The following KIF9 variants were observed in gnomAD, a reference collection of about 807,000 sequenced individuals.
KIF9 encodes kinesin family member 9.
KIF9 carries 68 observed loss-of-function variants against 94.8 expected under a neutral mutation model. The ratio of observed to expected loss-of-function variants is 0.72; its 90% CI spans 0.59 to 0.88. The LOEUF is 0.88. Among genes scored for constraint, KIF9 ranks in the 40% least tolerant of loss-of-function variants. The probability of loss-of-function intolerance (pLI) is 0.00; values close to 1 mark genes in which losing one functional copy is unlikely to be tolerated. For missense variants in KIF9, 882 were observed against 982.5 expected (o/e 0.90, Z 1.37); for synonymous variants, 343 against 362.1 (o/e 0.95, Z 0.60).
chr3:47,243,147 T>C lies in KIF9; in HGVS notation c.1613A>G (p.Asp538Gly), dbSNP rs777991329. ...SKTQLVPSSK[D>G]GDVKDMLSRD... ...CGAAAGCATGTCTTTGACATCCCCA[T>C]CTTTGGAGGATGGGACCAGCTGGGT... The change falls in exon 16 of 21, where the codon GAT becomes GGT. Residue 538 changes from aspartate to glycine, a missense_variant. Transcript: ENST00000684063. The C allele has an allele frequency of 2.5e-6, 4 of 1,613,988 alleles. No individual in the cohort carries two copies. The highest frequency in any genetic ancestry group is 3.4e-6 in the Non-Finnish European group (4 of 1,179,944).
rs538044157 is a variant in KIF9 at position 47,237,955 on chromosome 3, T to C, written c.1925-1336A>G. Among the ~76,000 whole-genome samples, 3 of 152,264 alleles carry C rather than the reference T, an allele frequency of 2.0e-5. No individual in the cohort carries two copies. The South Asian group carries it at 6.2e-4, about 32-fold the overall frequency. ...GGATAAGCCACAATCCTTTACAGAG[T>C]AGAGGCTTTACAGTACTCTATGAAG... On this transcript the variant is annotated intron_variant, in intron 17 of 20. Coordinates refer to ENST00000684063, the MANE Select transcript of KIF9 (RefSeq NM_182902.4).
chr3:47,242,867 T>TG (rs1359671217), intron 16 of KIF9, 184 bp downstream of exon 16: 3 of 455,096 alleles, frequency 6.6e-6, no homozygotes, highest in African/African-American at 5.8e-5. Context: ...GCATCTTGGA[T>TG]GACTCCTGAG....
rs1701892912 is a variant in KIF9, at chr3:47,275,336, T to A, written c.248A>T (p.Asp83Val). ...ATTAATTAAGTTACCATTATAGCCA[T>A]CGAGGGCCTGAGAAACCACATCCTT... ...VAKDVVSQAL[D>V]GYNGTIMCYG... The change falls in exon 3 of 21, where the codon GAT becomes GTT. Residue 83 changes from aspartate (D) to valine (V), a missense_variant. Asp to Val is a radical substitution (Grantham distance 152). Transcript: ENST00000684063. 1.9e-6 allele frequency: 3 copies of A among 1,611,034 alleles called. No homozygotes were observed. In the East Asian group the frequency reaches 6.7e-5, roughly 36 times the overall value.
At chr3:47,266,137 T>C (rs1325067328) in intron 7 of KIF9, 3 of 395,830 alleles carry the variant, frequency 7.6e-6, no homozygotes, top group Non-Finnish European at 9.3e-6. Context: ...AATATTCATA[T>C]GGACATTCAC....
chr3:47,253,513 T>A (rs1270833624), intron 10 of KIF9, among the ~76,000 whole-genome samples: 1 of 152,016 alleles, frequency 6.6e-6, no homozygotes, highest in Non-Finnish European at 1.5e-5. Flanking sequence ...AGCTTCTGCA[T>A]ACCATGCTAC....
rs773934395 is a variant in KIF9 at position 47,277,326 on chromosome 3, C to T, written c.49G>A (p.Asp17Asn). The change falls in exon 2 of 21, where the codon GAT (aspartate) becomes AAT (asparagine). Residue 17 changes from aspartate (D) to asparagine (N), a missense_variant. Transcript: ENST00000684063. ...VHAFVRVKPT[D>N]DFAHEMIRYG... ...CTGATCATTTCATGAGCAAAGTCAT[C>T]GGTGGGTTTGACACGGACAAATGCA... 2.7e-5 allele frequency: 44 copies of T among 1,613,788 alleles called. No individual in the cohort carries two copies. The highest frequency in any genetic ancestry group is 2.1e-4 in the South Asian group (19 of 91,054).
At chr3:47,254,406 T>A (rs1020678192) in intron 10 of KIF9, among the ~76,000 whole-genome samples, 3 of 151,662 alleles carry the variant, frequency 2.0e-5, no homozygotes, top group Admixed American at 6.6e-5. Context: ...TGCAGTGAGC[T>A]GAGATCGCAC....
chr3:47,245,281 C>G (rs781332615), intron 14 of KIF9, 140 bp downstream of exon 14: 1 of 734,638 alleles, frequency 1.4e-6, no homozygotes, highest in Non-Finnish European at 2.5e-6. Flanking sequence ...TAACACAGGT[C>G]ACCTGTGTTC....
rs1699998897 is a variant in KIF9, at chr3:47,247,443, T to C, written c.1163A>G (p.Asp388Gly). ...NRTFVTYDPM[D>G]EIQIAEINSQ... Reference sequence around the variant, plus strand: ...GTTGATCTCAGCAATCTGGATTTCATCCATGGGGTCATAGGTCACAAAGGT... The same window carrying C: ...GTTGATCTCAGCAATCTGGATTTCACCCATGGGGTCATAGGTCACAAAGGT... The change falls in exon 12 of 21, where the codon GAT (aspartate) becomes GGT (glycine). Residue 388 changes from aspartate to glycine, a missense_variant. By Grantham distance (94) the Asp-to-Gly change is moderately conservative (BLOSUM62 -1). Coordinates refer to ENST00000684063, the MANE Select transcript of KIF9 (RefSeq NM_182902.4). 1.2e-6 allele frequency: 2 copies of C among 1,613,776 alleles called. No individual in the cohort carries two copies. The highest frequency in any genetic ancestry group is 2.2e-5 in the East Asian group (1 of 44,892).
chr3:47,253,291 G>A (rs1250761598), intron 10 of KIF9, among the ~76,000 whole-genome samples: 1 of 151,930 alleles, frequency 6.6e-6, no homozygotes, highest in Non-Finnish European at 1.5e-5. Context: ...GAGTAGCTAG[G>A]ATTACAGGCA....
intron 13 of KIF9, chr3:47,245,744 T>C: frequency 1.8e-6 from 1 of 559,044 alleles, no homozygotes; most frequent in Admixed American, 3.1e-5. Context: ...GTCATGTGTG[T>C]CTGCTCCAAG....
intron 5 of KIF9, among the ~76,000 whole-genome samples, chr3:47,268,584 C>T (rs1209241388): frequency 2.9e-5 from 4 of 137,294 alleles, no homozygotes; most frequent in Admixed American, 7.4e-5. Flanking sequence ...TTTTCTTCTT[C>T]TTTTTTTTTT....
At chr3:47,276,263 A>C (rs762246957) in intron 2 of KIF9, among the ~76,000 whole-genome samples, 1 of 152,106 alleles carries the variant, frequency 6.6e-6, no homozygotes, top group Admixed American at 6.6e-5. Flanking sequence ...AAGATGAAGA[A>C]AGACAGACTT....
intron 2 of KIF9, chr3:47,277,065 A>G (rs751779464): frequency 3.4e-5 from 13 of 383,760 alleles, no homozygotes; most frequent in Non-Finnish European, 6.0e-5. Context: ...TAATTTATTA[A>G]AGGTAAAATT....
chr3:47,228,385 A>T lies in KIF9; in HGVS notation c.*267T>A. On this transcript the variant is annotated 3_prime_UTR_variant, in exon 21 of 21. Transcript: ENST00000684063. ...AGACAGGAAATAAGACAAAGTTCTC[A>T]GATGAGCACTGAAAGTCCAAACTAG... The T allele has an allele frequency of 2.2e-6, 1 of 448,936 alleles. No homozygotes were observed. The highest frequency in any genetic ancestry group is 4.1e-6 in the Non-Finnish European group (1 of 246,670). The allele number at this position is 448,936 out of a possible 1,614,324, so 27.8% of individuals were successfully genotyped here. A position where few individuals can be genotyped will look rare whatever the true frequency, so the allele number is the denominator to read the frequency against.
chr3:47,240,155 G>A (rs949508090), intron 17 of KIF9: 9 of 283,924 alleles, frequency 3.2e-5, no homozygotes, highest in East Asian at 8.4e-5. Context: ...TGTGGGCGGC[G>A]CACGCCACCA....
chr3:47,244,671 G>A (rs1056272432), intron 15 of KIF9, 120 bp downstream of exon 15: 152 of 1,264,232 alleles, frequency 1.2e-4, no homozygotes, highest in Non-Finnish European at 1.6e-4. Context: ...CAGCAGTGAC[G>A]TCCATTGTGC....
In KIF9 at chr3:47,240,856, C is replaced by G. The variant is rs373523302; in HGVS notation, c.1869G>C (p.Glu623Asp). 44 of 1,614,216 alleles carry G rather than the reference C, an allele frequency of 2.7e-5. No individual in the cohort carries two copies. The African/African-American group carries it at 5.2e-4, about 19-fold the overall frequency. Residue 623 changes from glutamate (E) to aspartate (D), a missense_variant, in exon 17 of 21, where the codon GAG (glutamate) becomes GAC (aspartate). Transcript: ENST00000684063. ...TTQHINAIKR[E>D]IDVTKEALNF... ...TCAGGGCCTCCTTGGTCACATCAATCTCCCGCTTGATGGCATTGATGTGCT... is the reference window on the plus strand; with the variant it reads ...TCAGGGCCTCCTTGGTCACATCAATGTCCCGCTTGATGGCATTGATGTGCT...
intron 1 of KIF9, among the ~76,000 whole-genome samples, chr3:47,279,203 T>C (rs1702168025): frequency 6.8e-6 from 1 of 148,142 alleles, no homozygotes; most frequent in African/African-American, 2.5e-5. Context: ...CCAAGTGCGT[T>C]GGCTCTTGCC....
Sources: allele counts gnomAD v4.1 joint callset (sites outside exome capture counted in the v4.1 genomes callset), GRCh38; gene constraint gnomAD v4.1.1; transcripts MANE v1.5; gene names NCBI Gene and HGNC (gene_info 2026-07-23, HGNC 2026-07-21).